Variants in SPECC1L observed in about 807,000 individuals in gnomAD.
The protein encoded by SPECC1L is sperm antigen with calponin homology and coiled-coil domains 1 like.
In SPECC1L, 40 loss-of-function variants were observed where a neutral mutation model predicts 116.8. The observed-to-expected ratio is 0.34, with a 90% CI of 0.27 to 0.45. The LOEUF is 0.45. Among genes scored for constraint, SPECC1L ranks in the 20% least tolerant of loss-of-function variants. SPECC1L has a pLI of 1.00. For synonymous variants in SPECC1L, 504 were observed against 500.6 expected (o/e 1.01, Z -0.09); for missense variants, 1,110 against 1,373.6 (o/e 0.81, Z 3.03).
At chr22:24,334,014 G>GTTTTTTTTT (rs11398083) in intron 8 of SPECC1L, among the ~76,000 whole-genome samples, 1 of 132,556 alleles carries the variant, frequency 7.5e-6, no homozygotes, top group Admixed American at 7.6e-5. Context: ...GTTTTTTGTT[G>GTTTTTTTTT]TTTTTTTTTT....
intron 14 of SPECC1L, among the ~76,000 whole-genome samples, chr22:24,378,369 G>A (rs1569441876): frequency 6.6e-6 from 1 of 152,194 alleles, no homozygotes; most frequent in African/African-American, 2.4e-5. Context: ...TTCAAAGCAC[G>A]GAAACTTTCT....
chr22:24,408,515 G>A (rs1415245172), intron 14 of SPECC1L, among the ~76,000 whole-genome samples: 2 of 152,258 alleles, frequency 1.3e-5, no homozygotes, highest in East Asian at 1.9e-4. Flanking sequence ...ATCAGTGGAT[G>A]CCTGGTGGCA....
chr22:24,302,148 C>T (rs1470638871), intron 2 of SPECC1L, 47 bp from the exon 3 acceptor site: 4 of 1,409,122 alleles, frequency 2.8e-6, no homozygotes, highest in African/African-American at 1.4e-5. Flanking sequence ...TTCTAAAGCG[C>T]TTCCTTCCAG....
chr22:24,309,281 T>C (rs188722610), intron 3 of SPECC1L, among the ~76,000 whole-genome samples: 7 of 152,336 alleles, frequency 4.6e-5, no homozygotes, highest in Admixed American at 4.6e-4. Flanking sequence ...AATCCATTTA[T>C]CCAACACTGA....
At chr22:24,303,202 C>T (rs745350487) in intron 3 of SPECC1L, among the ~76,000 whole-genome samples, 4 of 151,996 alleles carry the variant, frequency 2.6e-5, no homozygotes, top group Non-Finnish European at 4.4e-5. Flanking sequence ...CAGGAACAGC[C>T]GATGAGGAAC....
chr22:24,343,844 A>AG (rs1328567958), intron 10 of SPECC1L, among the ~76,000 whole-genome samples: 1 of 152,172 alleles, frequency 6.6e-6, no homozygotes, highest in Non-Finnish European at 1.5e-5. Context: ...GGCAAACAAA[A>AG]GCTGAGGGAA....
At chr22:24,400,174 A>G (rs1470896072) in intron 14 of SPECC1L, among the ~76,000 whole-genome samples, 1 of 152,198 alleles carries the variant, frequency 6.6e-6, no homozygotes, top group African/African-American at 2.4e-5. Context: ...CATCACCACT[A>G]CCTAGTTCCA....
intron 8 of SPECC1L, among the ~76,000 whole-genome samples, 198 bp from the exon 9 acceptor site, chr22:24,334,212 C>G (rs564432827): frequency 1.3e-5 from 2 of 151,932 alleles, no homozygotes; most frequent in African/African-American, 4.8e-5. Flanking sequence ...TGGGGTTTCA[C>G]CGTGTTAGCC....
chr22:24,280,661 C>T (rs2146335275), intron 2 of SPECC1L, among the ~76,000 whole-genome samples: 1 of 151,714 alleles, frequency 6.6e-6, no homozygotes. Flanking sequence ...TATTACAGCC[C>T]TGACTTCCCA....
At chr22:24,346,715 A>T (rs1304868405) in intron 10 of SPECC1L, among the ~76,000 whole-genome samples, 1 of 152,162 alleles carries the variant, frequency 6.6e-6, no homozygotes. Flanking sequence ...TGACTGTATC[A>T]GTAACATATA....
intron 14 of SPECC1L, among the ~76,000 whole-genome samples, chr22:24,379,440 G>C (rs1467202228): frequency 2.0e-5 from 3 of 152,044 alleles, no homozygotes; most frequent in Admixed American, 2.0e-4. Flanking sequence ...CCATGTATCA[G>C]GTTGATTAAA....
At chr22:24,403,050 T>G (rs1163093529) in intron 14 of SPECC1L, among the ~76,000 whole-genome samples, 5 of 152,184 alleles carry the variant, frequency 3.3e-5, no homozygotes, top group Admixed American at 1.3e-4. Flanking sequence ...GGGGTGAGGC[T>G]GTCAGGAGTC....
chr22:24,353,162 TTAAC>T (rs1435073744), intron 11 of SPECC1L, among the ~76,000 whole-genome samples: 1 of 152,220 alleles, frequency 6.6e-6, no homozygotes, highest in African/African-American at 2.4e-5. Context: ...TAAAATATTA[TTAAC>T]TAACCTACAG....
chr22:24,346,926 T>C (rs531546384), intron 10 of SPECC1L, among the ~76,000 whole-genome samples, 160 bp from the exon 11 acceptor site: 7 of 152,212 alleles, frequency 4.6e-5, no homozygotes, highest in Non-Finnish European at 1.0e-4. Flanking sequence ...AAAAAGTATA[T>C]TGATCACAGT....
chr22:24,361,964 C>T (rs1018433878), intron 11 of SPECC1L, among the ~76,000 whole-genome samples: 1 of 152,048 alleles, frequency 6.6e-6, no homozygotes, highest in African/African-American at 2.4e-5. Flanking sequence ...CATGATATGC[C>T]ATTACTTTTG....
intron 6 of SPECC1L, 126 bp downstream of exon 6, chr22:24,324,553 G>T: frequency 1.1e-6 from 1 of 870,002 alleles, no homozygotes; most frequent in Non-Finnish European, 1.8e-6. Context: ...CACTTTGGGA[G>T]TTCAAAACCG....
intron 14 of SPECC1L, among the ~76,000 whole-genome samples, chr22:24,390,861 T>C (rs2042250826): frequency 3.6e-5 from 4 of 110,232 alleles, no homozygotes; most frequent in South Asian, 2.8e-4. Flanking sequence ...CCTTTTTTTT[T>C]TTTTTCTTTT....
Position 24,324,492 on chromosome 22 carries a change from A to ATT in SPECC1L, c.2146+67_2146+68dup. ...TTTTAAACATGCGGGGATAATTTGC[A>ATT]TTTAGTAATAAAATAGGGCTGGGCA... On this transcript the variant is annotated intron_variant, in intron 6 of 16. Coordinates refer to ENST00000314328, the MANE Select transcript of SPECC1L (RefSeq NM_015330.6). The ATT allele has an allele frequency of 1.1e-5, 16 of 1,451,342 alleles. No individual in the cohort carries two copies. In the South Asian group the frequency reaches 1.9e-4, roughly 17 times the overall value. The allele number at this position is 1,451,342 out of a possible 1,614,324, so 89.9% of individuals were successfully genotyped here.
In SPECC1L at chr22:24,378,980, T is replaced by TA. The variant is rs577659095; in HGVS notation, c.3087+9666dup. Among the ~76,000 whole-genome samples, 984 of 152,190 alleles carry TA rather than the reference T, an allele frequency of 6.5e-3. 7 individuals are homozygous for TA. The highest frequency in any genetic ancestry group is 0.01 in the Non-Finnish European group (690 of 67,998). On this transcript the variant is annotated intron_variant, in intron 14 of 16. Coordinates refer to ENST00000314328, the MANE Select transcript of SPECC1L (RefSeq NM_015330.6). ...AGGATTGCCACAAACCCTCAATTTG[T>TA]AAAAAACGCAGGATCCATGAAGCAC...
Sources: allele counts gnomAD v4.1 joint callset (sites outside exome capture counted in the v4.1 genomes callset), GRCh38; gene constraint gnomAD v4.1.1; transcripts MANE v1.5; gene names NCBI Gene and HGNC (gene_info 2026-07-23, HGNC 2026-07-21).